ZBTB20: variants seen among roughly 807,000 people sequenced by gnomAD.
ZBTB20 encodes the protein zinc finger and BTB domain containing 20.
Under a neutral mutation model 56.9 loss-of-function variants are expected in ZBTB20, and 9 were observed. The observed-to-expected ratio is 0.16, with a 90% CI of 0.10 to 0.28. The LOEUF (loss-of-function observed/expected upper bound fraction) is 0.28, where lower values mean the gene tolerates loss of function less well. ZBTB20 is among the 10% of genes least tolerant of loss of function. The pLI is 1.00. For missense variants in ZBTB20, 655 were observed against 1,003.0 expected (o/e 0.65, Z 4.69); for synonymous variants, 417 against 420.7 (o/e 0.99, Z 0.11).
intron 7 of ZBTB20, among the ~76,000 whole-genome samples, chr3:114,447,361 T>C (rs944748710): frequency 1.3e-5 from 2 of 152,198 alleles, no homozygotes; most frequent in African/African-American, 4.8e-5. Flanking sequence ...CTTGGAAGAT[T>C]TGCAATGAAT....
chr3:114,863,968 G>A (rs2075651599), intron 4 of ZBTB20, among the ~76,000 whole-genome samples: 1 of 151,950 alleles, frequency 6.6e-6, no homozygotes, highest in Non-Finnish European at 1.5e-5. Context: ...TCTTTTAGCT[G>A]AGAGTTCTGT....
chr3:114,603,762 A>G (rs1268658094), intron 6 of ZBTB20, among the ~76,000 whole-genome samples: 2 of 151,980 alleles, frequency 1.3e-5, no homozygotes, highest in African/African-American at 2.4e-5. Context: ...TGGAAAAATA[A>G]ACGCTAATGA....
chr3:114,578,137 AACTT>A (rs1167205593), intron 6 of ZBTB20, among the ~76,000 whole-genome samples: 8 of 152,140 alleles, frequency 5.3e-5, no homozygotes, highest in African/African-American at 1.9e-4. Flanking sequence ...ATAAGAGTAA[AACTT>A]AATCAGAAAT....
intron 1 of ZBTB20, among the ~76,000 whole-genome samples, chr3:115,129,456 AC>A: frequency 6.6e-6 from 1 of 152,342 alleles, no homozygotes; most frequent in Non-Finnish European, 1.5e-5. Flanking sequence ...GGTGTTATCA[AC>A]CAACTAATGT....
At chr3:114,665,271 A>G (rs900564542) in intron 6 of ZBTB20, among the ~76,000 whole-genome samples, 1 of 152,034 alleles carries the variant, frequency 6.6e-6, no homozygotes, top group African/African-American at 2.4e-5. Context: ...TGCCTACAGT[A>G]TTCAGTTCAG....
chr3:114,388,899 T>C (rs551691537), intron 8 of ZBTB20, 106 bp downstream of exon 8: 1 of 152,342 alleles, frequency 6.6e-6, no homozygotes, highest in South Asian at 2.1e-4. Context: ...ATCCAAGAAA[T>C]GAAGCCATCT....
chr3:114,465,692 G>A (rs1409560957), intron 7 of ZBTB20, among the ~76,000 whole-genome samples: 1 of 151,446 alleles, frequency 6.6e-6, no homozygotes, highest in Admixed American at 6.6e-5. Context: ...GAGTGACAGA[G>A]TGAGATTCTG....
chr3:114,808,899 A>C (rs774531198), intron 4 of ZBTB20, among the ~76,000 whole-genome samples: 5 of 149,338 alleles, frequency 3.3e-5, no homozygotes, highest in Non-Finnish European at 4.4e-5. Flanking sequence ...GTCTTTGTTT[A>C]TTTGGGATAT....
At chr3:114,639,662 GTAATCT>G (rs2059452593) in intron 6 of ZBTB20, among the ~76,000 whole-genome samples, 1 of 151,986 alleles carries the variant, frequency 6.6e-6, no homozygotes, top group African/African-American at 2.4e-5. Flanking sequence ...TGGATGATAA[GTAATCT>G]TATATGAAGA....
At chr3:114,888,291 T>C (rs1023686748) in intron 4 of ZBTB20, among the ~76,000 whole-genome samples, 2 of 151,884 alleles carry the variant, frequency 1.3e-5, no homozygotes, top group Non-Finnish European at 2.9e-5. Flanking sequence ...AGCATGGTGG[T>C]GCACACCTGT....
chr3:115,009,042 C>A (rs912218928), intron 2 of ZBTB20, among the ~76,000 whole-genome samples: 1 of 151,772 alleles, frequency 6.6e-6, no homozygotes, highest in African/African-American at 2.4e-5. Context: ...TTATTGGACA[C>A]ATATTTTTAT....
chr3:114,649,058 C>T (rs746553272), intron 6 of ZBTB20, among the ~76,000 whole-genome samples: 4 of 151,870 alleles, frequency 2.6e-5, no homozygotes, highest in African/African-American at 7.2e-5. Flanking sequence ...TTCTTTCTTC[C>T]CAAATAATAC....
chr3:115,058,916 A>G (rs2081915577), intron 2 of ZBTB20, among the ~76,000 whole-genome samples: 1 of 152,086 alleles, frequency 6.6e-6, no homozygotes, highest in Non-Finnish European at 1.5e-5. Flanking sequence ...TTCTATTGCT[A>G]TGTCTTCACA....
At chr3:114,773,301 A>G (rs1311100147) in intron 5 of ZBTB20, among the ~76,000 whole-genome samples, 1 of 152,218 alleles carries the variant, frequency 6.6e-6, no homozygotes, top group Non-Finnish European at 1.5e-5. Flanking sequence ...TAAGCTGCTA[A>G]GTTTGTGGTT....
At chr3:114,412,124 GCT>G (rs2088024320) in intron 7 of ZBTB20, among the ~76,000 whole-genome samples, 1 of 152,086 alleles carries the variant, frequency 6.6e-6, no homozygotes, top group Non-Finnish European at 1.5e-5. Context: ...AAATGACCTG[GCT>G]ATCTTTGTGG....
Position 114,315,121 on chromosome 3 carries a change from G to C in ZBTB20, c.*23884C>G, listed in dbSNP as rs952117502. 7 of 152,120 alleles carry C rather than the reference G, an allele frequency of 4.6e-5. No individual in the cohort carries two copies. Among genetic ancestry groups the C allele is most frequent in the African/African-American group, 1.7e-4 (7 of 41,420 alleles). The allele number at this position is 152,120 out of a possible 1,614,324, so 9.4% of individuals were successfully genotyped here. A position where few individuals can be genotyped will look rare whatever the true frequency, so the allele number is the denominator to read the frequency against. On this transcript the variant is annotated 3_prime_UTR_variant, in exon 12 of 12. Coordinates refer to ENST00000675478, the MANE Select transcript of ZBTB20 (RefSeq NM_001348800.3). ...AACTCCCTCTCAAAACTATTGACCT[G>C]CTCATCCCAAACCATGTATATGTTG...
At chr3:114,922,785 G>A (rs1476643217) in intron 3 of ZBTB20, among the ~76,000 whole-genome samples, 3 of 145,756 alleles carry the variant, frequency 2.1e-5, no homozygotes, top group East Asian at 2.0e-4. Flanking sequence ...TATAACAATC[G>A]GCTCTCATGG....
At chr3:114,826,844 T>TA (rs1191011705) in intron 4 of ZBTB20, among the ~76,000 whole-genome samples, 3 of 151,570 alleles carry the variant, frequency 2.0e-5, no homozygotes, top group African/African-American at 4.8e-5. Flanking sequence ...ATTAGAACCA[T>TA]AAAAAACCAA....
intron 7 of ZBTB20, among the ~76,000 whole-genome samples, chr3:114,415,422 G>A (rs1185467039): frequency 4.6e-5 from 7 of 152,070 alleles, no homozygotes; most frequent in Non-Finnish European, 1.0e-4. Flanking sequence ...GATGTGTTGG[G>A]TGGTACAAAA....
Sources: gnomAD v4.1 joint callset for allele counts (sites outside exome capture counted in the v4.1 genomes callset) on GRCh38, gnomAD v4.1.1 for gene constraint, MANE v1.5 for transcripts, NCBI Gene and HGNC (gene_info 2026-07-23, HGNC 2026-07-21) for gene names.